EPHA6: variants seen among roughly 807,000 people sequenced by gnomAD.
The protein encoded by EPHA6 is EPH receptor A6.
Under a neutral mutation model 112.0 loss-of-function variants are expected in EPHA6, and 50 were observed. The ratio of observed to expected loss-of-function variants is 0.45; its 90% CI spans 0.36 to 0.56. EPHA6 has a LOEUF of 0.56. Among genes scored for constraint, EPHA6 ranks in the 20% least tolerant of loss-of-function variants. The probability of loss-of-function intolerance (pLI) is 0.00; values close to 1 mark genes in which losing one functional copy is unlikely to be tolerated. For synonymous variants in EPHA6, 529 were observed against 490.7 expected, an observed-to-expected ratio of 1.08 and a Z score of -1.03; for missense variants, 1,280 against 1,417.4, an observed-to-expected ratio of 0.90 and a Z score of 1.56.
chr3:97,620,256 C>G (rs1286875858), intron 13 of EPHA6, among the ~76,000 whole-genome samples: 1 of 151,992 alleles, frequency 6.6e-6, no homozygotes, highest in East Asian at 1.9e-4. Context: ...ACACCATATA[C>G]AGAAATTAAC....
intron 14 of EPHA6, among the ~76,000 whole-genome samples, chr3:97,666,167 TTC>T (rs1309688051): frequency 2.0e-5 from 3 of 152,190 alleles, no homozygotes; most frequent in African/African-American, 7.2e-5. Context: ...TTGTTTCCGA[TTC>T]TGTTTCCAGC....
At chr3:97,734,796 A>G (rs2035185582) in intron 15 of EPHA6, among the ~76,000 whole-genome samples, 3 of 152,060 alleles carry the variant, frequency 2.0e-5, no homozygotes, top group South Asian at 2.1e-4. Flanking sequence ...AAACTCAACA[A>G]TGGTGACAAT....
At position 97,054,632 on chromosome 3, in the gene EPHA6, C is replaced by A. The variant is rs926148306; in HGVS notation, c.1114+66639C>A. The stretch of plus-strand genomic sequence containing the variant: ...TTATACACTGAAATGAGAAGAAAAT[C>A]TTTGCATTTAGTTTTGAAAAACATC... On this transcript the variant is annotated intron_variant, in intron 3 of 17. Coordinates refer to ENST00000389672, the MANE Select transcript of EPHA6 (RefSeq NM_001080448.3). Among the ~76,000 whole-genome samples, 6 of 152,008 alleles carry A rather than the reference C, an allele frequency of 3.9e-5. No homozygotes were observed. In the South Asian group the frequency reaches 1.0e-3, roughly 26 times the overall value.
chr3:97,167,984 TTTAAACTATTAAAGATTTCAA>T (rs1212765134), intron 3 of EPHA6, among the ~76,000 whole-genome samples: 1 of 152,038 alleles, frequency 6.6e-6, no homozygotes, highest in African/African-American at 2.4e-5. Flanking sequence ...CTAATAAAGA[TTTAAACTATTAAAGATTTCAA>T]TATAATTTCA....
chr3:97,183,283 A>T (rs1156322840), intron 3 of EPHA6, among the ~76,000 whole-genome samples: 1 of 152,158 alleles, frequency 6.6e-6, no homozygotes, highest in Non-Finnish European at 1.5e-5. Context: ...TAAAGTAAAA[A>T]TTAAGTACAA....
In EPHA6 at chr3:97,226,379, T is replaced by C; in HGVS notation, c.1230T>C (p.Tyr410=). 1 of 1,613,736 alleles carries C rather than the reference T, an allele frequency of 6.2e-7. No homozygotes were observed. The highest frequency in any genetic ancestry group is 8.5e-7 in the Non-Finnish European group (1 of 1,179,714). The change falls in exon 4 of 18, where the codon TAT becomes TAC. Residue 410 remains tyrosine (Y), a synonymous_variant. Coordinates refer to ENST00000389672, the MANE Select transcript of EPHA6 (RefSeq NM_001080448.3). ...CTGTCTGTCAGTGTGAAAAGGGTTA[T>C]TTCCGAGCTGAAAAAGACCCACCTT... ...ATSVCQCEKG[Y]FRAEKDPPSM...
At chr3:97,025,578 T>G (rs955512934) in intron 3 of EPHA6, among the ~76,000 whole-genome samples, 1 of 152,152 alleles carries the variant, frequency 6.6e-6, no homozygotes, top group African/African-American at 2.4e-5. Context: ...GTGGTATTTA[T>G]GGTTTTACAT....
intron 10 of EPHA6, among the ~76,000 whole-genome samples, chr3:97,495,992 A>G (rs545740345): frequency 1.8e-4 from 27 of 152,254 alleles, no homozygotes; most frequent in African/African-American, 6.3e-4. Flanking sequence ...GCATTTCATC[A>G]GTCTTTATTC....
chr3:97,483,766 T>G (rs1213045705), intron 9 of EPHA6, among the ~76,000 whole-genome samples, 168 bp from the exon 10 acceptor site: 1 of 152,198 alleles, frequency 6.6e-6, no homozygotes, highest in East Asian at 1.9e-4. Flanking sequence ...AAATAAATTT[T>G]TGACCCTCGT....
intron 12 of EPHA6, among the ~76,000 whole-genome samples, chr3:97,608,032 A>C (rs889449925): frequency 6.6e-6 from 1 of 150,900 alleles, no homozygotes; most frequent in Non-Finnish European, 1.5e-5. Flanking sequence ...TCACAGTATG[A>C]CTAGTTTCTT....
intron 11 of EPHA6, among the ~76,000 whole-genome samples, chr3:97,539,018 T>TCTTTCTTTCTTTCTTTCTTG (rs1469651167): frequency 6.7e-6 from 1 of 149,778 alleles, no homozygotes; most frequent in Admixed American, 6.6e-5. Context: ...TTTCTTTCTT[T>TCTTTCTTTCTTTCTTTCTTG]CTTTCTTTCT....
At chr3:97,712,402 CT>C (rs1355280089) in intron 14 of EPHA6, among the ~76,000 whole-genome samples, 1 of 152,162 alleles carries the variant, frequency 6.6e-6, no homozygotes, top group African/African-American at 2.4e-5. Context: ...AGCTATCCCC[CT>C]GAGTCTTTAC....
intron 6 of EPHA6, among the ~76,000 whole-genome samples, chr3:97,429,708 C>T (rs1295936902): frequency 6.6e-6 from 1 of 152,124 alleles, no homozygotes; most frequent in Non-Finnish European, 1.5e-5. Flanking sequence ...ACACTAAATG[C>T]AGCTTCTATA....
chr3:97,693,075 TAATA>T (rs2032779277), intron 14 of EPHA6, among the ~76,000 whole-genome samples: 2 of 152,166 alleles, frequency 1.3e-5, no homozygotes, highest in African/African-American at 4.8e-5. Context: ...GATGGTCTGA[TAATA>T]ATAAAGAAAG....
chr3:97,686,284 G>A (rs1004468731), intron 14 of EPHA6, among the ~76,000 whole-genome samples: 1 of 152,144 alleles, frequency 6.6e-6, no homozygotes, highest in East Asian at 1.9e-4. Flanking sequence ...ATGACTCACT[G>A]CAAATGATCA....
chr3:97,474,683 C>A (rs916124375), intron 7 of EPHA6, among the ~76,000 whole-genome samples: 1 of 151,890 alleles, frequency 6.6e-6, no homozygotes, highest in African/African-American at 2.4e-5. Context: ...GTAAAACATG[C>A]AGCTCATGTG....
intron 14 of EPHA6, among the ~76,000 whole-genome samples, chr3:97,715,504 G>C (rs1442479801): frequency 6.6e-6 from 1 of 152,162 alleles, no homozygotes; most frequent in Non-Finnish European, 1.5e-5. Flanking sequence ...AAAGTCTACA[G>C]ACAGATTACT....
At chr3:96,872,129 C>T (rs1211620174) in intron 2 of EPHA6, among the ~76,000 whole-genome samples, 1 of 152,094 alleles carries the variant, frequency 6.6e-6, no homozygotes, top group Non-Finnish European at 1.5e-5. Flanking sequence ...GCCTCCTGCA[C>T]AAAATCTTAT....
chr3:97,713,315 G>A (rs1344223211), intron 14 of EPHA6, among the ~76,000 whole-genome samples: 1 of 152,018 alleles, frequency 6.6e-6, no homozygotes, highest in Non-Finnish European at 1.5e-5. Context: ...GGTGAGCTCT[G>A]GGTTCATGAA....
Sources: allele counts gnomAD v4.1 joint callset (sites outside exome capture counted in the v4.1 genomes callset), GRCh38; gene constraint gnomAD v4.1.1; transcripts MANE v1.5; gene names NCBI Gene and HGNC (gene_info 2026-07-23, HGNC 2026-07-21).